The following ADAMTS10 variants were observed in gnomAD, a reference collection of about 807,000 sequenced individuals.
The protein encoded by ADAMTS10 is ADAM metallopeptidase with thrombospondin type 1 motif 10.
ADAMTS10 carries 48 observed loss-of-function variants against 135.9 expected under a neutral mutation model. That is an observed-to-expected ratio of 0.35 (90% CI 0.28 to 0.45). The LOEUF is 0.45. Among genes scored for constraint, ADAMTS10 ranks in the 20% least tolerant of loss-of-function variants. The pLI is 1.00. For synonymous variants in ADAMTS10, 621 were observed against 647.5 expected (o/e 0.96, Z 0.62); for missense variants, 1,131 against 1,565.2 (o/e 0.72, Z 4.68).
In ADAMTS10 at chr19:8,589,883, A is replaced by G. The variant is rs782647748; in HGVS notation, c.1900+6T>C. 2.5e-6 allele frequency: 4 copies of G among 1,612,516 alleles called. No individual in the cohort carries two copies. In the South Asian group the frequency reaches 3.3e-5, roughly 13 times the overall value. ...GGCCCCACAGCCTTTGGAGTCCCAC[A>G]CTCACCTCCCCGGTACGTTTTCCAC... On this transcript the variant is annotated splice_donor_region_variant and intron_variant, in intron 16 of 25. Coordinates refer to ENST00000597188, the MANE Select transcript of ADAMTS10 (RefSeq NM_030957.4).
At chr19:8,592,616 TG>T in intron 13 of ADAMTS10, 146 bp downstream of exon 13, 1 of 824,884 alleles carries the variant, frequency 1.2e-6, no homozygotes, top group Non-Finnish European at 1.9e-6. Flanking sequence ...GCAGTAGGCG[TG>T]GCCACAGCCG....
At chr19:8,598,854 C>T (rs1025201266) in intron 6 of ADAMTS10, among the ~76,000 whole-genome samples, 42 of 151,938 alleles carry the variant, frequency 2.8e-4, no homozygotes, top group Middle Eastern at 6.9e-3. Flanking sequence ...GGATTACAGG[C>T]GTGAGCCACT....
intron 6 of ADAMTS10, among the ~76,000 whole-genome samples, chr19:8,600,718 TC>T (rs2042659094): frequency 6.6e-6 from 1 of 151,998 alleles, no homozygotes; most frequent in Non-Finnish European, 1.5e-5. Context: ...CAGGATGGTC[TC>T]CATCTCCTGA....
chr19:8,590,797 T>C (rs1193082594), intron 15 of ADAMTS10, among the ~76,000 whole-genome samples: 10 of 152,098 alleles, frequency 6.6e-5, no homozygotes, highest in Admixed American at 2.6e-4. Context: ...GGTTTTGCCA[T>C]GTTGGCCAGG....
rs2042416027 is a variant in ADAMTS10, at chr19:8,585,537, G to T, written c.2784C>A (p.Cys928Ter). The change falls in exon 23 of 26, where the codon TGC becomes TGA. Residue 928 changes from cysteine to a stop codon, truncating the protein, a stop_gained. Coordinates refer to ENST00000597188, the MANE Select transcript of ADAMTS10 (RefSeq NM_030957.4). LOFTEE classifies it high-confidence loss of function. ...CCAGTACAGGTGGGCGCGGCTGCGG[G>T]CATGCGCTGTCGTCCAGCGCCTTCT... ...AEEKALDDSA[C>*]PQPRPPVLEA... 1 of 1,575,482 alleles carries T rather than the reference G, an allele frequency of 6.3e-7. No individual in the cohort carries two copies. The highest frequency in any genetic ancestry group is 8.6e-7 in the Non-Finnish European group (1 of 1,161,638).
At chr19:8,595,310 A>G (rs1555739878) in intron 12 of ADAMTS10, among the ~76,000 whole-genome samples, 2 of 152,160 alleles carry the variant, frequency 1.3e-5, no homozygotes, top group African/African-American at 2.4e-5. Context: ...CAGGAGGCTC[A>G]GAGCTCCTCC....
chr19:8,602,602 T>A (rs1451476353), intron 5 of ADAMTS10, among the ~76,000 whole-genome samples: 1 of 152,102 alleles, frequency 6.6e-6, no homozygotes, highest in Non-Finnish European at 1.5e-5. Context: ...ATTACAGGCG[T>A]GAGACACTGT....
At chr19:8,592,301 T>G in intron 13 of ADAMTS10, 198 bp from the exon 14 acceptor site, 1 of 1,099,114 alleles carries the variant, frequency 9.1e-7, no homozygotes, top group Non-Finnish European at 1.3e-6. Context: ...GCGAGAGGCG[T>G]GGCCTGAGCA....
intron 15 of ADAMTS10, among the ~76,000 whole-genome samples, chr19:8,590,260 C>A (rs1048243172): frequency 6.6e-6 from 1 of 152,036 alleles, no homozygotes; most frequent in Non-Finnish European, 1.5e-5. Flanking sequence ...GCTATGGAAT[C>A]TTTCTTGCTT....
chr19:8,590,314 G>A (rs544103754), intron 15 of ADAMTS10, among the ~76,000 whole-genome samples: 101 of 152,122 alleles, frequency 6.6e-4, no homozygotes, highest in African/African-American at 2.3e-3. Flanking sequence ...TCACTCTGTC[G>A]CCCAGGCTGG....
In ADAMTS10 at chr19:8,592,775, G is replaced by A. The variant is rs1555739403; in HGVS notation, c.1575C>T (p.Thr525=). The change falls in exon 13 of 26, where the codon ACC becomes ACT. Residue 525 remains threonine, a synonymous_variant. Transcript: ENST00000597188. ...AAEGTLCQTH[T]IDKGWCYKRV... is the part of the protein sequence containing the mutation. ...GGCCGGCGCTCACCCCCTTGTCGAT[G>A]GTGTGCGTCTGGCACAGCGTGCCCT... The A allele has an allele frequency of 6.2e-7, 1 of 1,612,074 alleles. No homozygotes were observed. The highest frequency in any genetic ancestry group is 8.5e-7 in the Non-Finnish European group (1 of 1,179,812).
intron 6 of ADAMTS10, among the ~76,000 whole-genome samples, chr19:8,598,863 C>CCATGCTCTGCTAATTTTTAAATGTTTTG (rs2042633997): frequency 2.0e-5 from 3 of 152,094 alleles, no homozygotes; most frequent in African/African-American, 7.2e-5. Context: ...GCGTGAGCCA[C>CCATGCTCTGCTAATTTTTAAATGTTTTG]TGCACCGGGC....
At chr19:8,602,997 A>G (rs1176260945) in intron 5 of ADAMTS10, among the ~76,000 whole-genome samples, 1 of 151,976 alleles carries the variant, frequency 6.6e-6, no homozygotes, top group African/African-American at 2.4e-5. Context: ...CTTCTCTCTC[A>G]TTTCTTAAAT....
chr19:8,580,923 C>G lies in ADAMTS10; in HGVS notation c.3282G>C (p.Gln1094His). Residue 1094 changes from glutamine (Q) to histidine (H), a missense_variant, in exon 26 of 26, where the codon CAG becomes CAC. Around this residue, in one of 3 missense-constraint regions of ADAMTS10, gnomAD observed 745 missense variants for 1,056.3 expected, o/e 0.71. Transcript: ENST00000597188. The stretch of plus-strand genomic sequence containing the variant: ...GGCCATGGCAGGTTTTGCAGCACAT[C>G]TGGCGGAAGTAGGCTCGGCTGCAGA... ...FQFCSRAYFR[Q>H]MCCKTCHGH is the part of the protein sequence containing the mutation. 3 of 1,612,956 alleles carry G rather than the reference C, an allele frequency of 1.9e-6. No homozygotes were observed. The highest frequency in any genetic ancestry group is 2.5e-6 in the Non-Finnish European group (3 of 1,179,572).
At chr19:8,599,727 A>T (rs556215696) in intron 6 of ADAMTS10, among the ~76,000 whole-genome samples, 3 of 151,500 alleles carry the variant, frequency 2.0e-5, no homozygotes, top group Non-Finnish European at 4.4e-5. Flanking sequence ...CTCCTGCCTC[A>T]GCTTCCTGAG....
intron 25 of ADAMTS10, among the ~76,000 whole-genome samples, chr19:8,583,927 G>A (rs1175613935): frequency 2.0e-5 from 3 of 152,006 alleles, no homozygotes; most frequent in African/African-American, 7.2e-5. Context: ...GGGAGGCCAA[G>A]GCCGGCGGAT....
chr19:8,595,972 A>C, intron 11 of ADAMTS10, 69 bp from the exon 12 acceptor site: 1 of 1,613,918 alleles, frequency 6.2e-7, no homozygotes, highest in Non-Finnish European at 8.5e-7. Flanking sequence ...CCTCAGCTGG[A>C]TGGGGGTCCC....
In ADAMTS10 at chr19:8,596,006, G is replaced by A. The variant is rs28433973; in HGVS notation, c.1337+67C>T. 0.19 allele frequency: 299,076 copies of A among 1,613,538 alleles called. 29,277 individuals are homozygous for A. The highest frequency in any genetic ancestry group is 0.21 in the South Asian group (19,505 of 91,064). ...CCAGGGAGCATCCCTGATTTCTATC[G>A]TCTCCCGTGTACCCTGCCCCACCAT... On this transcript the variant is annotated intron_variant, in intron 11 of 25. Coordinates refer to ENST00000597188, the MANE Select transcript of ADAMTS10 (RefSeq NM_030957.4). The surrounding 1 kb of genome is among the most constrained non-coding windows in gnomAD (Gnocchi z 7.2).
intron 25 of ADAMTS10, among the ~76,000 whole-genome samples, chr19:8,583,585 G>T (rs1305390001): frequency 6.6e-6 from 1 of 151,980 alleles, no homozygotes. Context: ...AGTGGCTCAC[G>T]CCTGTAATCC....
Sources: gnomAD v4.1 joint callset for allele counts (sites outside exome capture counted in the v4.1 genomes callset) on GRCh38, gnomAD v4.1.1 for gene constraint, gnomAD v4.1.1 regional missense constraint, Gnocchi (gnomAD v3.1) non-coding constraint, MANE v1.5 for transcripts, NCBI Gene and HGNC (gene_info 2026-07-23, HGNC 2026-07-21) for gene names.